LRRC4C: variants seen among roughly 807,000 people sequenced by gnomAD.
LRRC4C encodes the protein leucine-rich repeat-containing protein 4C.
Under a neutral mutation model 33.6 loss-of-function variants are expected in LRRC4C, and 5 were observed. The ratio of observed to expected loss-of-function variants is 0.15; its 90% CI spans 0.08 to 0.31. LRRC4C has a LOEUF of 0.31. Among genes scored for constraint, LRRC4C ranks in the 10% least tolerant of loss-of-function variants. LRRC4C has a pLI of 1.00. For synonymous variants in LRRC4C, 329 were observed against 302.0 expected, an observed-to-expected ratio of 1.09 and a Z score of -0.93; for missense variants, 560 against 796.7, an observed-to-expected ratio of 0.70 and a Z score of 3.58.
intron 2 of LRRC4C, among the ~76,000 whole-genome samples, chr11:40,840,245 A>G (rs1952855284): frequency 6.6e-6 from 1 of 152,200 alleles, no homozygotes; most frequent in East Asian, 1.9e-4. Flanking sequence ...ATATAAGCAT[A>G]AATCAAAAGA....
chr11:41,448,186 T>C (rs983067889), intron 1 of LRRC4C, among the ~76,000 whole-genome samples: 1 of 144,278 alleles, frequency 6.9e-6, no homozygotes, highest in East Asian at 2.0e-4. Flanking sequence ...TGCTTTAAAA[T>C]TGAGAAATGA....
At chr11:41,414,733 G>C (rs985720868) in intron 1 of LRRC4C, among the ~76,000 whole-genome samples, 1 of 151,942 alleles carries the variant, frequency 6.6e-6, no homozygotes, top group African/African-American at 2.4e-5. Context: ...TCCTCAACTC[G>C]AGAAAGATAA....
intron 1 of LRRC4C, among the ~76,000 whole-genome samples, chr11:41,075,702 A>G (rs1939098791): frequency 6.6e-6 from 1 of 152,156 alleles, no homozygotes; most frequent in African/African-American, 2.4e-5. Flanking sequence ...TCCTAATAGC[A>G]TATTTCGTCC....
At chr11:40,619,042 A>T (rs1003623992) in intron 3 of LRRC4C, among the ~76,000 whole-genome samples, 3 of 151,788 alleles carry the variant, frequency 2.0e-5, no homozygotes. Flanking sequence ...AACCAGGCAC[A>T]GAAAGACAAA....
At chr11:40,147,476 C>T (rs565326515) in intron 5 of LRRC4C, among the ~76,000 whole-genome samples, 1 of 152,224 alleles carries the variant, frequency 6.6e-6, no homozygotes, top group African/African-American at 2.4e-5. Context: ...ATCACCCTAA[C>T]TTCCTCCAGC....
At chr11:40,306,274 GA>G (rs1223235358) in intron 4 of LRRC4C, among the ~76,000 whole-genome samples, 1 of 152,112 alleles carries the variant, frequency 6.6e-6, no homozygotes, top group East Asian at 1.9e-4. Flanking sequence ...AGTGTCAAAA[GA>G]AATCTCAAAA....
At chr11:40,119,136 A>G (rs1855643413) in intron 6 of LRRC4C, among the ~76,000 whole-genome samples, 1 of 152,206 alleles carries the variant, frequency 6.6e-6, no homozygotes, top group South Asian at 2.1e-4. Context: ...TACAGAAGGT[A>G]GAGAAGAGGC....
intron 4 of LRRC4C, among the ~76,000 whole-genome samples, chr11:40,283,693 CTTTTTTTTT>C (rs5791366): frequency 3.4e-5 from 2 of 59,262 alleles, no homozygotes; most frequent in Admixed American, 2.8e-4. Context: ...GGTCCATATT[CTTTTTTTTT>C]TTTTTTTTTT....
At chr11:41,267,985 C>T (rs575822476) in intron 1 of LRRC4C, among the ~76,000 whole-genome samples, 1 of 152,160 alleles carries the variant, frequency 6.6e-6, no homozygotes, top group African/African-American at 2.4e-5. Context: ...TCTAATGCTA[C>T]TTCAGAGGTG....
chr11:40,462,088 T>C (rs1294681526), intron 3 of LRRC4C, among the ~76,000 whole-genome samples: 1 of 152,054 alleles, frequency 6.6e-6, no homozygotes, highest in African/African-American at 2.4e-5. Flanking sequence ...GTATTTTCAG[T>C]ATAGTGTTTG....
At chr11:40,454,453 A>G (rs1472151177) in intron 3 of LRRC4C, among the ~76,000 whole-genome samples, 1 of 152,000 alleles carries the variant, frequency 6.6e-6, no homozygotes, top group Non-Finnish European at 1.5e-5. Context: ...ACATCTTCGA[A>G]GTGCTGAGAA....
At chr11:40,310,937 G>A (rs1364294835) in intron 4 of LRRC4C, among the ~76,000 whole-genome samples, 1 of 152,084 alleles carries the variant, frequency 6.6e-6, no homozygotes, top group African/African-American at 2.4e-5. Context: ...GCATTAATTC[G>A]GGATGTGATA....
chr11:40,533,666 G>A lies in LRRC4C; in HGVS notation c.-270+114476C>T, dbSNP rs185176642. Among the ~76,000 whole-genome samples, 643 of 152,196 alleles carry A rather than the reference G, an allele frequency of 4.2e-3. 2 individuals are homozygous for A. Among genetic ancestry groups the A allele is most frequent in the African/African-American group, 0.011 (464 of 41,532 alleles). On this transcript the variant is annotated intron_variant, in intron 3 of 6. Transcript: ENST00000528697. ...ATAAGGCTCACCCTCTATTTCCAGA[G>A]AGGCATAGTCAGAGAAGCTATCTCA...
chr11:41,254,055 C>T (rs537972081), intron 1 of LRRC4C, among the ~76,000 whole-genome samples: 21 of 151,926 alleles, frequency 1.4e-4, no homozygotes, highest in Non-Finnish European at 2.2e-4. Flanking sequence ...AATATATATA[C>T]GACCTAGTAA....
intron 2 of LRRC4C, among the ~76,000 whole-genome samples, chr11:40,833,770 T>C (rs1347808160): frequency 1.8e-5 from 2 of 113,634 alleles, no homozygotes; most frequent in Admixed American, 9.9e-5. Context: ...TGTGTATATA[T>C]TACATTTAGA....
At chr11:40,495,518 T>C (rs561125334) in intron 3 of LRRC4C, among the ~76,000 whole-genome samples, 1 of 152,228 alleles carries the variant, frequency 6.6e-6, no homozygotes, top group South Asian at 2.1e-4. Flanking sequence ...GTTCCCCAAG[T>C]TGAGATATTA....
chr11:40,605,201 G>A (rs1565551778), intron 3 of LRRC4C, among the ~76,000 whole-genome samples: 1 of 152,060 alleles, frequency 6.6e-6, no homozygotes, highest in Non-Finnish European at 1.5e-5. Context: ...AGGGAGGTGG[G>A]GGACAAAGCG....
intron 2 of LRRC4C, among the ~76,000 whole-genome samples, chr11:40,870,580 G>A (rs987926196): frequency 6.6e-6 from 1 of 152,108 alleles, no homozygotes; most frequent in Non-Finnish European, 1.5e-5. Flanking sequence ...TCTTACACCT[G>A]TCTTTACTGC....
chr11:40,339,624 T>A (rs752484864), intron 3 of LRRC4C, among the ~76,000 whole-genome samples: 8 of 152,200 alleles, frequency 5.3e-5, no homozygotes, highest in Non-Finnish European at 1.2e-4. Flanking sequence ...TTGAAGCCCT[T>A]TTTATCACAG....
Sources: gnomAD v4.1 joint callset for allele counts (sites outside exome capture counted in the v4.1 genomes callset) on GRCh38, gnomAD v4.1.1 for gene constraint, MANE v1.5 for transcripts, NCBI Gene and HGNC (gene_info 2026-07-23, HGNC 2026-07-21) for gene names.